NUDC: variants seen among roughly 807,000 people sequenced by gnomAD.
NUDC encodes nuclear distribution C, dynein complex regulator, also known as nuclear migration protein nudC.
In NUDC, 14 loss-of-function variants were observed where a neutral mutation model predicts 45.0. The observed-to-expected ratio is 0.31, with a 90% CI of 0.21 to 0.49. The LOEUF is 0.49. Ranked by LOEUF, NUDC falls within the 20% of genes least tolerant of loss-of-function variation. NUDC has a pLI of 0.99. For synonymous variants in NUDC, 153 were observed against 156.7 expected (o/e 0.98, Z 0.17); for missense variants, 323 against 426.2 (o/e 0.76, Z 2.13).
chr1:26,900,381 G>A (rs148620476), exon 1 of NUDC: 39 of 1,613,828 alleles, frequency 2.4e-5, no homozygotes, highest in Non-Finnish European at 3.3e-5. Flanking sequence ...CAACACGGAG[G>A]GGATACCGCT....
intron 2 of NUDC, chr1:26,911,002 C>T (rs1358808574): frequency 2.5e-6 from 1 of 405,402 alleles, no homozygotes; most frequent in Non-Finnish European, 5.0e-6. Flanking sequence ...CTGATGTAGT[C>T]AAATCCTGGT....
intron 2 of NUDC, among the ~76,000 whole-genome samples, chr1:26,905,080 C>T (rs1297801549): frequency 2.0e-5 from 3 of 148,854 alleles, no homozygotes; most frequent in Non-Finnish European, 4.5e-5. Flanking sequence ...TTAGATGATC[C>T]GCCCACCTCG....
Position 26,943,365 on chromosome 1 carries a change from G to A in NUDC, c.741+300G>A, listed in dbSNP as rs146132775. ...TAAGACTACAGGTGTACACCACCAC[G>A]CTCGGCTAATTTTTGTTATTAAATT... On this transcript the variant is annotated intron_variant, in intron 6 of 8. Coordinates refer to ENST00000321265, the MANE Select transcript of NUDC (RefSeq NM_006600.4). Among the ~76,000 whole-genome samples the A allele has an allele frequency of 1.3e-3, 203 of 152,060 alleles. 1 individual carries two copies. The highest frequency in any genetic ancestry group is 4.2e-3 in the African/African-American group (174 of 41,442).
intron 3 of NUDC, among the ~76,000 whole-genome samples, chr1:26,915,058 C>CATATATATATATATATATATATATAT (rs67296768): frequency 5.0e-4 from 70 of 140,502 alleles, no homozygotes; most frequent in African/African-American, 1.7e-3. Context: ...TACATACATA[C>CATATATATATATATATATATATATAT]ATATATATAT....
chr1:26,912,125 T>TA (rs2082031691), intron 3 of NUDC: 1 of 1,610,646 alleles, frequency 6.2e-7, no homozygotes. Flanking sequence ...GTGAGCACCC[T>TA]ACTCCCAGCC....
At chr1:26,930,431 G>A (rs2082171236) in intron 2 of NUDC, among the ~76,000 whole-genome samples, 2 of 152,174 alleles carry the variant, frequency 1.3e-5, no homozygotes, top group Admixed American at 6.5e-5. Context: ...CCGCCTTTGC[G>A]GCCGCCATTG....
intron 3 of NUDC, chr1:26,913,739 C>A: frequency 6.2e-7 from 1 of 1,603,104 alleles, no homozygotes; most frequent in Non-Finnish European, 8.5e-7. Context: ...CTGAGGAAGG[C>A]CACTGTCTTG....
chr1:26,932,199 CAG>C (rs1158934077), intron 2 of NUDC, among the ~76,000 whole-genome samples: 1 of 149,750 alleles, frequency 6.7e-6, no homozygotes, highest in East Asian at 2.0e-4. Context: ...TTTTTTGAGA[CAG>C]AGTATCGCTC....
intron 2 of NUDC, among the ~76,000 whole-genome samples, chr1:26,905,747 C>T (rs2082000396): frequency 6.6e-6 from 1 of 152,162 alleles, no homozygotes; most frequent in Non-Finnish European, 1.5e-5. Context: ...CAGGTCAGCT[C>T]ACCCTTTCTG....
In NUDC at chr1:26,925,150, G is replaced by A. The variant is rs74665159; in HGVS notation, c.159+984G>A. Among the ~76,000 whole-genome samples, 53 of 151,888 alleles carry A rather than the reference G, an allele frequency of 3.5e-4. No individual in the cohort carries two copies. The East Asian group carries it at 8.8e-3, about 25-fold the overall frequency. On this transcript the variant is annotated intron_variant, in intron 2 of 8. Transcript: ENST00000321265. ...CCCACCTCGGCCTCCTAAAGCGCTGGGAGTACAGGTGTGAGCCACTGCACC... is the reference window on the plus strand; with the variant it reads ...CCCACCTCGGCCTCCTAAAGCGCTGAGAGTACAGGTGTGAGCCACTGCACC...
intron 2 of NUDC, among the ~76,000 whole-genome samples, chr1:26,939,294 G>A (rs781689737): frequency 2.0e-5 from 3 of 151,586 alleles, no homozygotes; most frequent in Non-Finnish European, 2.9e-5. Context: ...CTGGGATTAC[G>A]GGCATGAGCC....
chr1:26,902,533 A>G (rs2081984775), intron 2 of NUDC, among the ~76,000 whole-genome samples: 1 of 152,144 alleles, frequency 6.6e-6, no homozygotes, highest in African/African-American at 2.4e-5. Context: ...CTGCTGCAAT[A>G]TTCTTCCTCC....
chr1:26,920,203 G>C (rs186356507), upstream of NUDC, among the ~76,000 whole-genome samples: 1 of 152,238 alleles, frequency 6.6e-6, no homozygotes, highest in Non-Finnish European at 1.5e-5. Flanking sequence ...AAATAGACTA[G>C]AACAGGCCGG....
intron 4 of NUDC, among the ~76,000 whole-genome samples, 160 bp downstream of exon 4, chr1:26,941,978 G>A (rs1023354133): frequency 6.6e-5 from 10 of 152,012 alleles, no homozygotes; most frequent in Non-Finnish European, 1.5e-4. Flanking sequence ...CAGAGACATT[G>A]AACCAAAGGA....
intron 2 of NUDC, among the ~76,000 whole-genome samples, chr1:26,906,546 A>G (rs2082003779): frequency 6.6e-6 from 1 of 151,986 alleles, no homozygotes; most frequent in African/African-American, 2.4e-5. Flanking sequence ...TTTAGAGCAC[A>G]GCTCTCAATA....
At position 26,946,163 on chromosome 1, in the gene NUDC, C is replaced by T. The variant is rs199919690; in HGVS notation, c.978C>T (p.Ser326=). 1.2e-5 allele frequency: 20 copies of T among 1,613,584 alleles called. No homozygotes were observed. The highest frequency in any genetic ancestry group is 1.7e-5 in the Admixed American group (1 of 60,016). The change falls in exon 9 of 9, where the codon TCC becomes TCT. Residue 326 remains serine, a synonymous_variant. Coordinates refer to ENST00000321265, the MANE Select transcript of NUDC (RefSeq NM_006600.4). ...ATCAACATCCGGAGATGGATTTTTC[C>T]AAGGCTAAATTCAACTAGCCCCTGT... ...FMDQHPEMDF[S]KAKFN is the part of the protein sequence containing the mutation.
intron 1 of NUDC, among the ~76,000 whole-genome samples, chr1:26,900,959 ACT>A (rs2081975989): frequency 6.6e-6 from 1 of 152,200 alleles, no homozygotes; most frequent in South Asian, 2.1e-4. Flanking sequence ...AAGATGCACA[ACT>A]CAATAATAAA....
Position 26,921,765 on chromosome 1 carries a change from C to G in NUDC, c.-84C>G. ...GCTGCGGAAGGCGGACGACTAGAGT[C>G]GTTGGGCCCGGCGCGACCCGCAGGA... is the stretch of plus-strand genomic sequence containing the variant. On this transcript the variant is annotated 5_prime_UTR_variant, in exon 1 of 9. Coordinates refer to ENST00000321265, the MANE Select transcript of NUDC (RefSeq NM_006600.4). 1 of 1,425,006 alleles carries G rather than the reference C, an allele frequency of 7.0e-7. No individual in the cohort carries two copies. The highest frequency in any genetic ancestry group is 9.6e-7 in the Non-Finnish European group (1 of 1,036,658). The allele number at this position is 1,425,006 out of a possible 1,614,324, so 88.3% of individuals were successfully genotyped here. A position where few individuals can be genotyped will look rare whatever the true frequency, so the allele number is the denominator to read the frequency against.
chr1:26,921,801 C>T lies in NUDC; in HGVS notation c.-48C>T, dbSNP rs769188863. The T allele has an allele frequency of 1.9e-5, 29 of 1,530,710 alleles. No homozygotes were observed. In the East Asian group the frequency reaches 4.4e-4, roughly 23 times the overall value. The allele number at this position is 1,530,710 out of a possible 1,614,324, so 94.8% of individuals were successfully genotyped here. A position where few individuals can be genotyped will look rare whatever the true frequency, so the allele number is the denominator to read the frequency against. On this transcript the variant is annotated 5_prime_UTR_variant, in exon 1 of 9. Transcript: ENST00000321265. ...GCGCGACCCGCAGGAGCGTAGAGAG[C>T]GCGGGACTAGAGTGCAGAGCTCCGG...
Sources: gnomAD v4.1 joint callset for allele counts (sites outside exome capture counted in the v4.1 genomes callset) on GRCh38, gnomAD v4.1.1 for gene constraint, MANE v1.5 for transcripts, NCBI Gene and HGNC (gene_info 2026-07-23, HGNC 2026-07-21) for gene names.